AKAP6: variants seen among roughly 807,000 people sequenced by gnomAD.
AKAP6 encodes the protein A-kinase anchoring protein 6.
AKAP6 carries 58 observed loss-of-function variants against 188.5 expected under a neutral mutation model. The ratio of observed to expected loss-of-function variants is 0.31; its 90% CI spans 0.25 to 0.38. The LOEUF (loss-of-function observed/expected upper bound fraction) is 0.38, where lower values mean the gene tolerates loss of function less well. Ranked by LOEUF, AKAP6 falls within the 10% of genes least tolerant of loss-of-function variation. The probability of loss-of-function intolerance (pLI) is 1.00; values close to 1 mark genes in which losing one functional copy is unlikely to be tolerated. For synonymous variants in AKAP6, 989 were observed against 998.6 expected (o/e 0.99, Z 0.18); for missense variants, 2,710 against 2,740.0 (o/e 0.99, Z 0.24).
chr14:32,750,744 T>TTG (rs1434307710), intron 11 of AKAP6, among the ~76,000 whole-genome samples: 38 of 140,496 alleles, frequency 2.7e-4, no homozygotes, highest in Non-Finnish European at 5.3e-4. Context: ...TTTGTTTTTT[T>TTG]TTTTTTGTTT....
chr14:32,675,683 C>A (rs1889395392), intron 7 of AKAP6, among the ~76,000 whole-genome samples: 1 of 152,146 alleles, frequency 6.6e-6, no homozygotes, highest in South Asian at 2.1e-4. Context: ...AAGACCTGGG[C>A]CATCTAATTC....
intron 2 of AKAP6, among the ~76,000 whole-genome samples, chr14:32,533,892 G>A (rs1882548915): frequency 6.6e-6 from 1 of 152,106 alleles, no homozygotes; most frequent in African/African-American, 2.4e-5. Context: ...ATTACCTTGT[G>A]GGTCACATTT....
Position 32,535,781 on chromosome 14 carries a change from A to G in AKAP6, c.552A>G (p.Gln184=), listed in dbSNP as rs1284850536. 2.5e-6 allele frequency: 4 copies of G among 1,613,446 alleles called. No homozygotes were observed. Among genetic ancestry groups the G allele is most frequent in the East Asian group, 2.2e-5 (1 of 44,872 alleles). ...ACACTAGGCAGACGGACATTCTGCA[A>G]GCTTTCTCTGAAGAGACAAAAGAGG... ...GNYTRQTDIL[Q]AFSEETKEGR... is the part of the protein sequence containing the mutation. Residue 184 remains glutamine (Q), a synonymous_variant, in exon 3 of 14, where the codon CAA becomes CAG. Transcript: ENST00000280979.
intron 5 of AKAP6, among the ~76,000 whole-genome samples, chr14:32,582,285 T>C (rs1003104137): frequency 3.3e-5 from 5 of 152,190 alleles, no homozygotes; most frequent in African/African-American, 1.2e-4. Context: ...AAATTCTGAG[T>C]TGAAAACTCT....
chr14:32,798,709 T>TG (rs1277035441), intron 12 of AKAP6, among the ~76,000 whole-genome samples: 2 of 152,014 alleles, frequency 1.3e-5, no homozygotes, highest in Non-Finnish European at 2.9e-5. Context: ...CAATGGACAC[T>TG]GGGGACTACC....
At chr14:32,754,039 A>T (rs1013429801) in intron 11 of AKAP6, among the ~76,000 whole-genome samples, 1 of 151,816 alleles carries the variant, frequency 6.6e-6, no homozygotes, top group African/African-American at 2.4e-5. Flanking sequence ...TTTTATAATT[A>T]TTTTTTCTAT....
At chr14:32,534,125 G>C (rs1417433042) in intron 2 of AKAP6, among the ~76,000 whole-genome samples, 1 of 152,056 alleles carries the variant, frequency 6.6e-6, no homozygotes, top group Non-Finnish European at 1.5e-5. Context: ...TTTAAATACA[G>C]ATTATATATT....
chr14:32,490,334 G>A (rs114788781), intron 2 of AKAP6, among the ~76,000 whole-genome samples: 2,744 of 152,256 alleles, frequency 0.018, 79 homozygotes, highest in African/African-American at 0.061. Context: ...AGGTTTGTCC[G>A]TGAATGTTGC....
chr14:32,511,694 C>G (rs1881271703), intron 2 of AKAP6, among the ~76,000 whole-genome samples: 1 of 152,186 alleles, frequency 6.6e-6, no homozygotes, highest in South Asian at 2.1e-4. Context: ...ATATTTAGTT[C>G]CCCATACCAG....
intron 7 of AKAP6, among the ~76,000 whole-genome samples, chr14:32,637,515 TG>T (rs1887551650): frequency 6.6e-6 from 1 of 152,142 alleles, no homozygotes; most frequent in South Asian, 2.1e-4. Flanking sequence ...ATTTTATTTT[TG>T]TTTTTGTTTT....
intron 5 of AKAP6, among the ~76,000 whole-genome samples, chr14:32,586,801 G>A (rs1386862648): frequency 6.6e-6 from 1 of 152,082 alleles, no homozygotes; most frequent in African/African-American, 2.4e-5. Flanking sequence ...TGGAAATTTA[G>A]GTTGTTTACA....
chr14:32,533,378 T>C (rs886941616), intron 2 of AKAP6, among the ~76,000 whole-genome samples: 1 of 152,064 alleles, frequency 6.6e-6, no homozygotes, highest in Non-Finnish European at 1.5e-5. Context: ...CTAAAAGGCA[T>C]TGAGGCCAGC....
intron 1 of AKAP6, chr14:32,433,242 A>G (rs1036902869): frequency 1.2e-5 from 5 of 426,506 alleles, no homozygotes; most frequent in Middle Eastern, 6.6e-4. Context: ...GGGGGAGAGT[A>G]GTCAATATCA....
rs1316096558 is a variant in AKAP6, at chr14:32,745,976, G to C, written c.3372+10094G>C. ...GCACAGACCATGGAGAGTACTGCCA[G>C]ACTACCACCGATGTTCCCTTAAGAT... On this transcript the variant is annotated intron_variant, in intron 11 of 13. Coordinates refer to ENST00000280979, the MANE Select transcript of AKAP6 (RefSeq NM_004274.5). 6.6e-5 allele frequency among the ~76,000 whole-genome samples: 10 copies of C among 152,268 alleles called. No individual in the cohort carries two copies. The East Asian group carries it at 1.9e-3, about 29-fold the overall frequency.
At chr14:32,411,212 C>T (rs1165755332) in intron 1 of AKAP6, among the ~76,000 whole-genome samples, 1 of 152,140 alleles carries the variant, frequency 6.6e-6, no homozygotes, top group Non-Finnish European at 1.5e-5. Flanking sequence ...CTCTCCACAA[C>T]AAAGAATTTT....
At chr14:32,556,618 C>T (rs777303897) in intron 4 of AKAP6, among the ~76,000 whole-genome samples, 33 of 152,198 alleles carry the variant, frequency 2.2e-4, no homozygotes, top group Non-Finnish European at 3.7e-4. Context: ...GCTGGGATTG[C>T]AGGCATAAGC....
rs2034526192 is a variant in AKAP6 at position 32,821,750 on chromosome 14, G to A, written c.3937G>A (p.Gly1313Ser). Reference sequence around the variant, plus strand: ...TCTGAAAAACAATCCAAAGGTCACTGGCATGACACAGCCTAATGTTTTAAC... The same window carrying A: ...TCTGAAAAACAATCCAAAGGTCACTAGCATGACACAGCCTAATGTTTTAAC... Reference protein sequence around the residue: ...PFLKNNPKVTGMTQPNVLTKS... With the variant: ...PFLKNNPKVTSMTQPNVLTKS... The change falls in exon 13 of 14, where the codon GGC (glycine) becomes AGC (serine). Residue 1313 changes from glycine to serine, a missense_variant. Transcript: ENST00000280979. The A allele has an allele frequency of 6.2e-7, 1 of 1,613,744 alleles. No individual in the cohort carries two copies. Among genetic ancestry groups the A allele is most frequent in the South Asian group, 1.1e-5 (1 of 91,076 alleles).
chr14:32,545,732 A>G lies in AKAP6; in HGVS notation c.1079A>G (p.Gln360Arg). 6.2e-7 allele frequency: 1 copy of G among 1,614,222 alleles called. No homozygotes were observed. Among genetic ancestry groups the G allele is most frequent in the East Asian group, 2.2e-5 (1 of 44,878 alleles). The part of the protein sequence containing the change: ...SSSHHDAKNQ[Q>R]PVPCENATPK... The stretch of plus-strand genomic sequence containing the variant: ...TCCCATCATGATGCAAAGAATCAGC[A>G]GCCTGTTCCTTGTGAAAATGCAACC... Residue 360 changes from glutamine (Q) to arginine (R), a missense_variant, in exon 4 of 14, where the codon CAG becomes CGG. This residue lies in a region of AKAP6 where 2,473 missense variants were observed against 2,426.1 expected (regional missense o/e 1.02). Coordinates refer to ENST00000280979, the MANE Select transcript of AKAP6 (RefSeq NM_004274.5).
chr14:32,514,208 C>T (rs918451946), intron 2 of AKAP6, among the ~76,000 whole-genome samples: 4 of 152,136 alleles, frequency 2.6e-5, no homozygotes, highest in African/African-American at 9.7e-5. Context: ...ATTTTCAGAA[C>T]CTTAACCAAA....
Sources: allele counts gnomAD v4.1 joint callset (sites outside exome capture counted in the v4.1 genomes callset), GRCh38; gene constraint gnomAD v4.1.1; regional missense constraint gnomAD v4.1.1; transcripts MANE v1.5; gene names NCBI Gene and HGNC (gene_info 2026-07-23, HGNC 2026-07-21).